LMO7: variants seen among roughly 807,000 people sequenced by gnomAD.
LMO7 encodes LIM domain 7.
Under a neutral mutation model 206.5 loss-of-function variants are expected in LMO7, and 120 were observed. The observed-to-expected ratio is 0.58, with a 90% CI of 0.50 to 0.68. The LOEUF (loss-of-function observed/expected upper bound fraction) is 0.68, where lower values mean the gene tolerates loss of function less well. Ranked by LOEUF, LMO7 falls within the 30% of genes least tolerant of loss-of-function variation. The probability of loss-of-function intolerance (pLI) is 0.00; values close to 1 mark genes in which losing one functional copy is unlikely to be tolerated. For missense variants in LMO7, 1,959 were observed against 1,957.9 expected (o/e 1.00, Z -0.01); for synonymous variants, 706 against 681.5 (o/e 1.04, Z -0.56).
intron 27 of LMO7, among the ~76,000 whole-genome samples, chr13:75,852,860 T>G (rs970007327): frequency 3.3e-5 from 5 of 152,224 alleles, no homozygotes; most frequent in African/African-American, 1.2e-4. Context: ...TATGGTAGTT[T>G]AGGTGAAGTA....
At chr13:75,626,618 T>G (rs1033029349) in intron 2 of LMO7, among the ~76,000 whole-genome samples, 8 of 137,874 alleles carry the variant, frequency 5.8e-5, no homozygotes, top group Admixed American at 5.2e-4. Context: ...AGGGTCTCAC[T>G]CTGTCACCCA....
At chr13:75,731,206 T>G (rs1462851354) in intron 3 of LMO7, among the ~76,000 whole-genome samples, 1 of 152,190 alleles carries the variant, frequency 6.6e-6, no homozygotes, top group Non-Finnish European at 1.5e-5. Flanking sequence ...GTCTCGTTGA[T>G]CTGCCTAATG....
intron 22 of LMO7, 125 bp downstream of exon 22, chr13:75,840,620 C>A: frequency 8.9e-7 from 1 of 1,120,304 alleles, no homozygotes; most frequent in Non-Finnish European, 1.3e-6. Flanking sequence ...AATATTTTTG[C>A]ACACAGTACA....
intron 1 of LMO7, among the ~76,000 whole-genome samples, chr13:75,685,969 C>G (rs1225367869): frequency 6.9e-6 from 1 of 145,816 alleles, no homozygotes; most frequent in South Asian, 2.2e-4. Flanking sequence ...CCTACTGCAG[C>G]CTTGATCTCC....
chr13:75,731,149 C>T lies in LMO7; in HGVS notation c.210+4051C>T, dbSNP rs1250543885. Among the ~76,000 whole-genome samples, 4 of 152,154 alleles carry T rather than the reference C, an allele frequency of 2.6e-5. No homozygotes were observed. The East Asian group carries it at 7.7e-4, about 29-fold the overall frequency. The stretch of plus-strand genomic sequence containing the variant: ...TTCCGTAGATGTCTATTAGGTCCGC[C>T]TGGTGCAGAGCCGAGTTCAATTCCT... On this transcript the variant is annotated intron_variant, in intron 3 of 30. Transcript: ENST00000377534.
chr13:75,692,684 A>C (rs969509079), intron 1 of LMO7, among the ~76,000 whole-genome samples: 1 of 152,072 alleles, frequency 6.6e-6, no homozygotes, highest in Non-Finnish European at 1.5e-5. Flanking sequence ...TACTACTCAT[A>C]TTCCTTTGGG....
chr13:75,835,294 A>G lies in LMO7; in HGVS notation c.3288A>G (p.Ser1096=). 1 of 1,610,368 alleles carries G rather than the reference A, an allele frequency of 6.2e-7. No homozygotes were observed. Among genetic ancestry groups the G allele is most frequent in the Non-Finnish European group, 8.5e-7 (1 of 1,178,362 alleles). ...TSGIYNSEKS[S]NLSVTTDFSE... ...GAATTTACAACTCAGAAAAATCTTC[A>G]AATCTATCTGTAACAACTGATTTCT... Residue 1096 remains serine (S), a synonymous_variant, in exon 18 of 31, where the codon TCA becomes TCG. Coordinates refer to ENST00000377534, the MANE Select transcript of LMO7 (RefSeq NM_001306080.2).
chr13:75,782,050 G>A (rs2051557139), intron 4 of LMO7, among the ~76,000 whole-genome samples: 1 of 152,088 alleles, frequency 6.6e-6, no homozygotes, highest in Admixed American at 6.5e-5. Flanking sequence ...TGAGTAGGTT[G>A]CAAAAATTTT....
chr13:75,675,097 G>A (rs2039898163), intron 1 of LMO7, among the ~76,000 whole-genome samples: 1 of 143,340 alleles, frequency 7.0e-6, no homozygotes. Context: ...TTTTTTTTGA[G>A]ATGAAATTTT....
At chr13:75,822,370 A>G (rs1336142137) in intron 14 of LMO7, among the ~76,000 whole-genome samples, 1 of 152,194 alleles carries the variant, frequency 6.6e-6, no homozygotes, top group Non-Finnish European at 1.5e-5. Context: ...AAATGTAGAC[A>G]TATTTGACAT....
At chr13:75,682,962 A>G (rs895638661) in intron 1 of LMO7, among the ~76,000 whole-genome samples, 5 of 152,118 alleles carry the variant, frequency 3.3e-5, no homozygotes, top group African/African-American at 9.7e-5. Flanking sequence ...TTGTTTGCCC[A>G]TCTTTTAAAT....
chr13:75,637,515 A>G (rs1403541382), intron 1 of LMO7, among the ~76,000 whole-genome samples: 1 of 152,214 alleles, frequency 6.6e-6, no homozygotes, highest in Non-Finnish European at 1.5e-5. Context: ...GACGCAAAAG[A>G]TGACTTTTAA....
intron 1 of LMO7, among the ~76,000 whole-genome samples, chr13:75,666,734 A>G (rs2039102049): frequency 6.6e-6 from 1 of 152,224 alleles, no homozygotes; most frequent in Non-Finnish European, 1.5e-5. Context: ...TCTCTTGTAA[A>G]AAGTTTGGAT....
chr13:75,642,819 C>G (rs1408098621), intron 1 of LMO7, among the ~76,000 whole-genome samples: 1 of 152,126 alleles, frequency 6.6e-6, no homozygotes, highest in Non-Finnish European at 1.5e-5. Context: ...TCTAAATGAA[C>G]AGATGAAAGA....
intron 2 of LMO7, 22 bp downstream of exon 2, chr13:75,713,274 A>G (rs1157627175): frequency 1.3e-6 from 2 of 1,554,428 alleles, no homozygotes; most frequent in Admixed American, 3.5e-5. Flanking sequence ...AAGTATTTAA[A>G]AAATAATTCA....
chr13:75,693,331 C>T (rs9544027), intron 1 of LMO7, among the ~76,000 whole-genome samples: 49,195 of 152,070 alleles, frequency 0.32, 9,561 homozygotes, highest in Middle Eastern at 0.47. Context: ...TTGTGTAGCA[C>T]TGACATTTGT....
At chr13:75,839,982 G>C (rs2059443465) in intron 20 of LMO7, 103 bp from the exon 21 acceptor site, 2 of 1,050,372 alleles carry the variant, frequency 1.9e-6, no homozygotes, top group Non-Finnish European at 2.9e-6. Flanking sequence ...TAGTATACTG[G>C]CATAGAGACA....
At chr13:75,696,774 A>T (rs2041933382) in intron 1 of LMO7, among the ~76,000 whole-genome samples, 1 of 152,040 alleles carries the variant, frequency 6.6e-6, no homozygotes, top group Non-Finnish European at 1.5e-5. Flanking sequence ...GAGGATACAA[A>T]CAAAAAAGCC....
chr13:75,856,637 C>T (rs1377610348), intron 30 of LMO7, 29 bp downstream of exon 30: 1 of 1,474,108 alleles, frequency 6.8e-7, no homozygotes, highest in South Asian at 1.1e-5. Context: ...GAGAAAATTT[C>T]TTGCCTTTTA....
Sources: gnomAD v4.1 joint callset for allele counts (sites outside exome capture counted in the v4.1 genomes callset) on GRCh38, gnomAD v4.1.1 for gene constraint, MANE v1.5 for transcripts, NCBI Gene and HGNC (gene_info 2026-07-23, HGNC 2026-07-21) for gene names.